Variants in NAV3 observed in about 807,000 individuals in gnomAD.
NAV3 encodes pore membrane and/or filament interacting like protein 1.
Under a neutral mutation model 244.7 loss-of-function variants are expected in NAV3, and 87 were observed. That is an observed-to-expected ratio of 0.36 (90% CI 0.30 to 0.42). NAV3 has a LOEUF of 0.42. Ranked by LOEUF, NAV3 falls within the 20% of genes least tolerant of loss-of-function variation. NAV3 has a pLI of 1.00. For synonymous variants in NAV3, 1,126 were observed against 1,042.2 expected, an observed-to-expected ratio of 1.08 and a Z score of -1.55; for missense variants, 2,663 against 2,893.3, an observed-to-expected ratio of 0.92 and a Z score of 1.83.
chr12:77,576,325 A>C (rs183422084), intron 2 of NAV3, among the ~76,000 whole-genome samples: 1 of 152,058 alleles, frequency 6.6e-6, no homozygotes, highest in Non-Finnish European at 1.5e-5. Flanking sequence ...GGGTTAGAGA[A>C]AGCATCACCT....
chr12:77,957,235 A>T (rs1041403946), intron 3 of NAV3, among the ~76,000 whole-genome samples: 1 of 152,204 alleles, frequency 6.6e-6, no homozygotes, highest in African/African-American at 2.4e-5. Context: ...ACAAGCTCAC[A>T]AAGGCAAAGA....
intron 2 of NAV3, among the ~76,000 whole-genome samples, chr12:77,618,204 C>G (rs1044488874): frequency 1.3e-5 from 2 of 152,192 alleles, no homozygotes; most frequent in South Asian, 4.1e-4. Flanking sequence ...CTGCAGCCTC[C>G]TTAGAGATAC....
rs1485784242 is a variant in NAV3 at position 77,931,931 on chromosome 12, T to A, written c.244-8388T>A. ...GTGTGTTTGTGTGTGTGTGTGTGTG[T>A]GATGCACATAGTTGTTAATGTCTTT... On this transcript the variant is annotated intron_variant, in intron 1 of 39. Coordinates refer to ENST00000397909, the MANE Select transcript of NAV3 (RefSeq NM_001024383.2). Among the ~76,000 whole-genome samples, 3 of 144,412 alleles carry A rather than the reference T, an allele frequency of 2.1e-5. No homozygotes were observed. The East Asian group carries it at 6.3e-4, about 30-fold the overall frequency. 94.7% of individuals were successfully genotyped at this position (144,412 alleles called of 152,430 possible). A position where few individuals can be genotyped will look rare whatever the true frequency, so the allele number is the denominator to read the frequency against.
intron 1 of NAV3, among the ~76,000 whole-genome samples, chr12:77,911,456 A>C (rs1886578986): frequency 1.3e-5 from 2 of 152,136 alleles, no homozygotes; most frequent in African/African-American, 4.8e-5. Flanking sequence ...TAAAAGATCA[A>C]CTAATAAGTA....
chr12:77,705,257 A>G (rs557245452), intron 2 of NAV3, among the ~76,000 whole-genome samples: 3 of 145,166 alleles, frequency 2.1e-5, no homozygotes, highest in Non-Finnish European at 3.0e-5. Flanking sequence ...TGTCTCTACT[A>G]AAAATACAAA....
intron 2 of NAV3, among the ~76,000 whole-genome samples, chr12:77,817,538 T>C (rs1297882663): frequency 1.3e-5 from 2 of 148,646 alleles, no homozygotes; most frequent in African/African-American, 4.9e-5. Context: ...GACCAAACTA[T>C]GCTTTTTTTT....
At chr12:77,675,051 T>A (rs1874146727) in intron 2 of NAV3, among the ~76,000 whole-genome samples, 1 of 152,126 alleles carries the variant, frequency 6.6e-6, no homozygotes, top group African/African-American at 2.4e-5. Flanking sequence ...ATACGGTAAG[T>A]GCATTTCAGG....
chr12:77,584,281 G>A (rs571771535), intron 2 of NAV3, among the ~76,000 whole-genome samples: 2 of 151,824 alleles, frequency 1.3e-5, no homozygotes, highest in East Asian at 3.9e-4. Context: ...AAAAGCCTAT[G>A]TGGGTACATA....
At chr12:77,620,156 C>T (rs1207152291) in intron 2 of NAV3, among the ~76,000 whole-genome samples, 1 of 152,154 alleles carries the variant, frequency 6.6e-6, no homozygotes, top group South Asian at 2.1e-4. Flanking sequence ...TTTACCTCCT[C>T]CTGTCCCTAA....
intron 11 of NAV3, among the ~76,000 whole-genome samples, chr12:78,055,222 GCACA>G (rs1883309065): frequency 4.2e-3 from 2 of 476 alleles, no homozygotes; most frequent in Non-Finnish European, 0.014. Flanking sequence ...ATTGTAATAT[GCACA>G]CATATGTGTA....
At chr12:77,855,139 T>TAAAAAA (rs748396245) in intron 1 of NAV3, among the ~76,000 whole-genome samples, 1 of 151,950 alleles carries the variant, frequency 6.6e-6, no homozygotes, top group Non-Finnish European at 1.5e-5. Flanking sequence ...AAAATAAAAA[T>TAAAAAA]AAAAAATATA....
intron 2 of NAV3, among the ~76,000 whole-genome samples, chr12:77,663,470 A>G (rs185370756): frequency 2.6e-5 from 4 of 152,130 alleles, no homozygotes; most frequent in East Asian, 1.9e-4. Flanking sequence ...TTTTTCGACT[A>G]TGAGTGAGGC....
intron 16 of NAV3, among the ~76,000 whole-genome samples, chr12:78,124,926 A>G (rs1955840898): frequency 1.3e-5 from 2 of 152,236 alleles, no homozygotes; most frequent in African/African-American, 4.8e-5. Context: ...CTACATAGCT[A>G]TAGTGTATAA....
In NAV3 at chr12:77,657,594, C is replaced by T. The variant is rs914592213; in HGVS notation, c.72+85328C>T. Among the ~76,000 whole-genome samples the T allele has an allele frequency of 1.3e-3, 197 of 152,290 alleles. 1 individual carries two copies. The highest frequency in any genetic ancestry group is 4.5e-3 in the African/African-American group (187 of 41,552). On this transcript the variant is annotated intron_variant, in intron 2 of 8. Transcript: ENST00000550042. The stretch of plus-strand genomic sequence containing the variant: ...TCAATAGAAAAAGAGGGAATCCTCC[C>T]TAACTCATTTTATGAGGCCAGCATC...
intron 1 of NAV3, among the ~76,000 whole-genome samples, chr12:77,868,296 C>T (rs1880393536): frequency 6.6e-6 from 1 of 151,918 alleles, no homozygotes. Flanking sequence ...TTAAATGTTA[C>T]TTAATATATA....
At chr12:77,802,620 C>A (rs1871767407) in intron 2 of NAV3, among the ~76,000 whole-genome samples, 1 of 152,246 alleles carries the variant, frequency 6.6e-6, no homozygotes, top group African/African-American at 2.4e-5. Context: ...ACTATATACA[C>A]AAAGCCAAAA....
rs770984486 is a variant in NAV3, at chr12:78,050,988, G to A, written c.2357G>A (p.Arg786His). 2.4e-5 allele frequency: 39 copies of A among 1,613,922 alleles called. No individual in the cohort carries two copies. The highest frequency in any genetic ancestry group is 2.2e-4 in the East Asian group (10 of 44,856). ...AGGTTCATGTATACCACGCCTCTCCGTCGAGCTGCTGTCTCTAGGCTGGGA... is the reference window on the plus strand; with the variant it reads ...AGGTTCATGTATACCACGCCTCTCCATCGAGCTGCTGTCTCTAGGCTGGGA... ...PSRFMYTTPL[R>H]RAAVSRLGNM... Residue 786 changes from arginine (R) to histidine (H), a missense_variant, in exon 11 of 40, where the codon CGT becomes CAT. Physicochemically the swap from Arg to His is conservative, Grantham distance 29. Around this residue, in one of 6 missense-constraint regions of NAV3, gnomAD observed 1,521 missense variants for 1,497.0 expected, o/e 1.02. Coordinates refer to ENST00000397909, the MANE Select transcript of NAV3 (RefSeq NM_001024383.2).
chr12:78,140,832 T>A (rs944297615), intron 20 of NAV3, among the ~76,000 whole-genome samples: 20 of 151,928 alleles, frequency 1.3e-4, no homozygotes, highest in Non-Finnish European at 2.5e-4. Context: ...TGTTTTTTTT[T>A]AAATATACCT....
chr12:78,086,045 T>C (rs1223088218), intron 12 of NAV3, among the ~76,000 whole-genome samples: 4 of 152,044 alleles, frequency 2.6e-5, no homozygotes, highest in Non-Finnish European at 5.9e-5. Flanking sequence ...TTAGCCAAGA[T>C]TGGGTAAGTT....
Sources: allele counts gnomAD v4.1 joint callset (sites outside exome capture counted in the v4.1 genomes callset), GRCh38; gene constraint gnomAD v4.1.1; regional missense constraint gnomAD v4.1.1; transcripts MANE v1.5; gene names NCBI Gene and HGNC (gene_info 2026-07-23, HGNC 2026-07-21).